The following PLXNA4 variants were observed in gnomAD, a reference collection of about 807,000 sequenced individuals.
PLXNA4 encodes the protein plexin-A4.
A neutral mutation model predicts 191.8 loss-of-function variants in PLXNA4; 44 were observed. The ratio of observed to expected loss-of-function variants is 0.23; its 90% CI spans 0.18 to 0.29. The LOEUF (loss-of-function observed/expected upper bound fraction) is 0.29, where lower values mean the gene tolerates loss of function less well. PLXNA4 is among the 10% of genes least tolerant of loss of function. The pLI, the probability that PLXNA4 is intolerant of heterozygous loss-of-function variation, is 1.00. For missense variants in PLXNA4, 1,800 were observed against 2,488.8 expected (o/e 0.72, Z 5.89); for synonymous variants, 1,082 against 1,009.5 (o/e 1.07, Z -1.36).
At chr7:132,221,537 CCT>C (rs1798145308) in intron 9 of PLXNA4, among the ~76,000 whole-genome samples, 1 of 152,134 alleles carries the variant, frequency 6.6e-6, no homozygotes, top group South Asian at 2.1e-4. Flanking sequence ...GAAACCACAC[CCT>C]GAGACAGGCC....
In PLXNA4 at chr7:132,445,157, G is replaced by GAAAAAAAAAA. The variant is rs71529762; in HGVS notation, c.1371+44125_1371+44134dup. Among the ~76,000 whole-genome samples, 77 of 53,800 alleles carry GAAAAAAAAAA rather than the reference G, an allele frequency of 1.4e-3. 8 individuals carry two copies. In the East Asian group the frequency reaches 0.041, roughly 29 times the overall value. The allele number at this position is 53,800 out of a possible 152,430, so 35.3% of individuals were successfully genotyped here. On this transcript the variant is annotated intron_variant, in intron 3 of 31. Transcript: ENST00000321063. ...GTGACAGAGCAAGACTCCATCTCAG[G>GAAAAAAAAAA]AAAAAAAAAAAAAAAAAAAAAAAAA...
intron 2 of PLXNA4, among the ~76,000 whole-genome samples, chr7:132,490,473 T>C (rs1797753744): frequency 7.2e-6 from 1 of 138,508 alleles, no homozygotes; most frequent in African/African-American, 2.6e-5. Flanking sequence ...TCACCCAGGC[T>C]GGAGTGCAGT....
chr7:132,557,146 T>C (rs1350288621), intron 1 of PLXNA4, among the ~76,000 whole-genome samples: 2 of 152,194 alleles, frequency 1.3e-5, no homozygotes, highest in African/African-American at 2.4e-5. Flanking sequence ...AATTTTGACA[T>C]TGGGCTTTGC....
intron 3 of PLXNA4, among the ~76,000 whole-genome samples, chr7:132,449,017 T>TTTTAA (rs1159465415): frequency 7.4e-6 from 1 of 135,746 alleles, no homozygotes; most frequent in African/African-American, 3.5e-5. Flanking sequence ...ATTGAATCAC[T>TTTTAA]TTGAATTGAA....
intron 9 of PLXNA4, among the ~76,000 whole-genome samples, chr7:132,218,175 T>G (rs1281181484): frequency 6.6e-6 from 1 of 152,208 alleles, no homozygotes; most frequent in African/African-American, 2.4e-5. Context: ...TCTTCAGTCC[T>G]GGAGAGGACT....
At chr7:132,604,718 C>A (rs1256346928) in intron 2 of PLXNA4, among the ~76,000 whole-genome samples, 2 of 151,366 alleles carry the variant, frequency 1.3e-5, no homozygotes, top group African/African-American at 4.9e-5. Flanking sequence ...CTACTTTGAA[C>A]TAAACTTATC....
intron 2 of PLXNA4, among the ~76,000 whole-genome samples, chr7:132,586,517 G>A (rs1333173457): frequency 2.0e-5 from 3 of 152,180 alleles, no homozygotes; most frequent in East Asian, 3.9e-4. Flanking sequence ...GTGGGAGGCC[G>A]AGGCAGGCAG....
chr7:132,352,862 G>C (rs558855949), intron 3 of PLXNA4, among the ~76,000 whole-genome samples: 1 of 152,044 alleles, frequency 6.6e-6, no homozygotes, highest in Non-Finnish European at 1.5e-5. Flanking sequence ...CTACCAAAAG[G>C]CATCATAAAA....
rs561108922 is a variant in PLXNA4 at position 132,516,591 on chromosome 7, G to A, written c.-86-7812C>T. Reference sequence around the variant, plus strand: ...GCATGCACTCCTGTATTCAGCCAACGACTATTGATGGAGCACATACCACAT... The same window carrying A: ...GCATGCACTCCTGTATTCAGCCAACAACTATTGATGGAGCACATACCACAT... On this transcript the variant is annotated intron_variant, in intron 1 of 31. Coordinates refer to ENST00000321063, the MANE Select transcript of PLXNA4 (RefSeq NM_020911.2). 2.6e-5 allele frequency among the ~76,000 whole-genome samples: 4 copies of A among 152,284 alleles called. No homozygotes were observed. The South Asian group carries it at 8.3e-4, about 32-fold the overall frequency.
chr7:132,512,170 G>T (rs908892980), intron 1 of PLXNA4, among the ~76,000 whole-genome samples: 1 of 152,200 alleles, frequency 6.6e-6, no homozygotes, highest in African/African-American at 2.4e-5. Context: ...GGCAGGTGCA[G>T]GTCGGGGCTC....
intron 1 of PLXNA4, among the ~76,000 whole-genome samples, chr7:132,526,337 C>A (rs535316353): frequency 6.6e-6 from 1 of 152,176 alleles, no homozygotes; most frequent in Non-Finnish European, 1.5e-5. Flanking sequence ...GATGCCTGCA[C>A]GCCTGTGACA....
At chr7:132,479,128 G>T (rs1372457067) in intron 3 of PLXNA4, among the ~76,000 whole-genome samples, 1 of 152,080 alleles carries the variant, frequency 6.6e-6, no homozygotes, top group Non-Finnish European at 1.5e-5. Flanking sequence ...AATTAGTGGA[G>T]CATGGTGACA....
intron 1 of PLXNA4, among the ~76,000 whole-genome samples, chr7:132,572,389 T>C (rs545406276): frequency 6.6e-6 from 1 of 152,352 alleles, no homozygotes; most frequent in South Asian, 2.1e-4. Context: ...TTCCATTCCA[T>C]TGTTTTTACA....
chr7:132,246,031 T>A (rs532102903), intron 4 of PLXNA4, among the ~76,000 whole-genome samples: 1 of 152,232 alleles, frequency 6.6e-6, no homozygotes, highest in African/African-American at 2.4e-5. Flanking sequence ...TGCACCACAA[T>A]GTGAGTGTAC....
intron 3 of PLXNA4, among the ~76,000 whole-genome samples, chr7:132,431,168 C>T (rs568594147): frequency 2.6e-5 from 4 of 152,316 alleles, no homozygotes; most frequent in African/African-American, 7.2e-5. Flanking sequence ...TGCTTACCCT[C>T]GTGCCCTGCA....
chr7:132,533,323 C>T lies in PLXNA4; in HGVS notation c.-86-24544G>A, dbSNP rs145987025. On this transcript the variant is annotated intron_variant, in intron 1 of 31. Coordinates refer to ENST00000321063, the MANE Select transcript of PLXNA4 (RefSeq NM_020911.2). ...CTGCCCTTGCAGTGCTCTGAGGTCC[C>T]ATCATAGGTAGCCAAATCCTTGGGT... Among the ~76,000 whole-genome samples, 785 of 152,224 alleles carry T rather than the reference C, an allele frequency of 5.2e-3. 3 individuals are homozygous for T. The highest frequency in any genetic ancestry group is 0.044 in the Middle Eastern group (13 of 294).
At chr7:132,346,475 A>C in intron 3 of PLXNA4, among the ~76,000 whole-genome samples, 1 of 152,222 alleles carries the variant, frequency 6.6e-6, no homozygotes, top group East Asian at 1.9e-4. Context: ...TCTTCTCTCT[A>C]TAAAGCAAAT....
At chr7:132,383,646 T>C (rs1459319219) in intron 3 of PLXNA4, 3 of 982,482 alleles carry the variant, frequency 3.1e-6, no homozygotes, top group East Asian at 2.3e-4. Flanking sequence ...ATACCAAATC[T>C]ACCTAACCAT....
chr7:132,576,712 C>A, upstream of PLXNA4: 1 of 516,484 alleles, frequency 1.9e-6, no homozygotes, highest in Non-Finnish European at 2.5e-6. This position sits in a 1 kb window ranked among gnomAD's most constrained non-coding sequence, Gnocchi z 5.8. Flanking sequence ...GGGATCGATT[C>A]CGAACACCCC....
Sources: allele counts gnomAD v4.1 joint callset (sites outside exome capture counted in the v4.1 genomes callset), GRCh38; gene constraint gnomAD v4.1.1; non-coding constraint Gnocchi (gnomAD v3.1); transcripts MANE v1.5; gene names NCBI Gene and HGNC (gene_info 2026-07-23, HGNC 2026-07-21).